Variants in TLR4 observed in about 807,000 individuals in gnomAD.
The protein encoded by TLR4 is toll-like receptor 4.
Under a neutral mutation model 27.4 loss-of-function variants are expected in TLR4, and 17 were observed. The observed-to-expected ratio is 0.62, with a 90% CI of 0.42 to 0.93. TLR4 has a LOEUF of 0.93. Ranked by LOEUF, TLR4 falls within the 40% of genes least tolerant of loss-of-function variation. The pLI is 0.00. For synonymous variants in TLR4, 363 were observed against 365.7 expected (o/e 0.99, Z 0.08); for missense variants, 926 against 962.3 (o/e 0.96, Z 0.50).
In TLR4 at chr9:117,704,499, G is replaced by C; in HGVS notation, c.27G>C (p.Gly9=). The change falls in exon 1 of 3, where the codon GGG becomes GGC. Residue 9 remains glycine (G), a synonymous_variant. Coordinates refer to ENST00000355622, the MANE Select transcript of TLR4 (RefSeq NM_138554.5). MMSASRLA[G]TLIPAMAFLS... ...TGATGTCTGCCTCGCGCCTGGCTGG[G>C]ACTCTGATCCCAGCCATGGCCTTCC... The C allele has an allele frequency of 1.9e-6, 3 of 1,613,692 alleles. No individual in the cohort carries two copies. The highest frequency in any genetic ancestry group is 2.5e-6 in the Non-Finnish European group (3 of 1,179,954).
rs1230835580 is a variant in TLR4 at position 117,719,330 on chromosome 9, A to T, written c.*4682A>T. ...GTCTGAGTCTGGGAGTCATTCTGTC[A>T]TGTGTCCACTGTCACCTGCTCATTG... On this transcript the variant is annotated 3_prime_UTR_variant, in exon 3 of 3. Transcript: ENST00000355622. 6.6e-6 allele frequency: 1 copy of T among 152,114 alleles called. No homozygotes were observed. Among genetic ancestry groups the T allele is most frequent in the East Asian group, 1.9e-4 (1 of 5,138 alleles). 9.4% of individuals were successfully genotyped at this position (152,114 alleles called of 1,614,324 possible). A position where few individuals can be genotyped will look rare whatever the true frequency, so the allele number is the denominator to read the frequency against.
chr9:117,708,834 C>T, intron 2 of TLR4, 105 bp downstream of exon 2: 1 of 1,385,050 alleles, frequency 7.2e-7, no homozygotes, highest in East Asian at 2.3e-5. Flanking sequence ...TCTTCATTCA[C>T]TTATTCATTC....
At chr9:117,711,386 T>C (rs940890763) in intron 2 of TLR4, among the ~76,000 whole-genome samples, 2 of 152,206 alleles carry the variant, frequency 1.3e-5, no homozygotes, top group Non-Finnish European at 2.9e-5. Flanking sequence ...TTCATTGGCT[T>C]GCTGTTTGCT....
intron 2 of TLR4, among the ~76,000 whole-genome samples, chr9:117,711,723 C>T (rs893900303): frequency 6.6e-6 from 1 of 152,074 alleles, no homozygotes; most frequent in Admixed American, 6.6e-5. Context: ...TCAGAGAAAC[C>T]TACTTTGATT....
At chr9:117,708,934 T>G in intron 2 of TLR4, 1 of 594,946 alleles carries the variant, frequency 1.7e-6, no homozygotes. Context: ...AGTAGGCAGT[T>G]GGCTGAGACA....
rs1251297204 is a variant in TLR4, at chr9:117,721,087, A to G, written c.*6439A>G. 1 of 152,194 alleles carries G rather than the reference A, an allele frequency of 6.6e-6. No individual in the cohort carries two copies. The highest frequency in any genetic ancestry group is 1.5e-5 in the Non-Finnish European group (1 of 68,012). The allele number at this position is 152,194 out of a possible 1,614,324, so 9.4% of individuals were successfully genotyped here. ...ACTCTCTTCAAGGTTAGAAAATTTT[A>G]TTTTAATTTTTATAGATTTAGAGAG... On this transcript the variant is annotated 3_prime_UTR_variant, in exon 3 of 3. Transcript: ENST00000355622.
chr9:117,710,940 A>G (rs1004954378), intron 2 of TLR4, among the ~76,000 whole-genome samples: 2 of 152,304 alleles, frequency 1.3e-5, no homozygotes, highest in African/African-American at 2.4e-5. Flanking sequence ...ATATAGAGAC[A>G]CAGCAAGACC....
At chr9:117,704,635 G>A in intron 1 of TLR4, 70 bp downstream of exon 1, 3 of 1,348,342 alleles carry the variant, frequency 2.2e-6, no homozygotes, top group Admixed American at 3.8e-5. Context: ...TGTGTGCCCT[G>A]GTTTGTTTAT....
rs1829416145 is a variant in TLR4, at chr9:117,720,958, C to A, written c.*6310C>A. 1 of 151,920 alleles carries A rather than the reference C, an allele frequency of 6.6e-6. No individual in the cohort carries two copies. The highest frequency in any genetic ancestry group is 2.4e-5 in the African/African-American group (1 of 41,350). The allele number at this position is 151,920 out of a possible 1,614,324, so 9.4% of individuals were successfully genotyped here. ...ACACTCTTTCTATTTGTGGGATTCC[C>A]TAGGAGACACTATATAAAAATATAG... is the stretch of plus-strand genomic sequence containing the variant. On this transcript the variant is annotated 3_prime_UTR_variant, in exon 3 of 3. Coordinates refer to ENST00000355622, the MANE Select transcript of TLR4 (RefSeq NM_138554.5).
chr9:117,712,585 A>G lies in TLR4; in HGVS notation c.457A>G (p.Lys153Glu). ...CCCCATTGGACATCTCAAAACTTTG[A>G]AAGAACTTAATGTGGCTCACAATCT... ...NFPIGHLKTL[K>E]ELNVAHNLIQ... Residue 153 changes from lysine (K) to glutamate (E), a missense_variant, in exon 3 of 3, where the codon AAA (lysine) becomes GAA (glutamate). Coordinates refer to ENST00000355622, the MANE Select transcript of TLR4 (RefSeq NM_138554.5). 6.2e-7 allele frequency: 1 copy of G among 1,614,068 alleles called. No homozygotes were observed. Among genetic ancestry groups the G allele is most frequent in the Non-Finnish European group, 8.5e-7 (1 of 1,179,978 alleles).
In TLR4 at chr9:117,708,573, AT is replaced by A; in HGVS notation, c.105del (p.Asn35LysfsTer9). On this transcript the variant is annotated frameshift_variant, in exon 2 of 3. Transcript: ENST00000355622. LOFTEE classifies it high-confidence loss of function. ...GTGTAATCATTGCAGGTGGTTCCTA[AT>A]ATTACTTATCAATGCATGGAGCTGA... ...SWEPCVEVVP[N>X]ITYQCMELNF... 2 of 1,613,802 alleles carry A rather than the reference AT, an allele frequency of 1.2e-6. No homozygotes were observed. Among genetic ancestry groups the A allele is most frequent in the Non-Finnish European group, 1.7e-6 (2 of 1,179,768 alleles).
In TLR4 at chr9:117,716,614, T is replaced by C. The variant is rs1479160091; in HGVS notation, c.*1966T>C. On this transcript the variant is annotated 3_prime_UTR_variant, in exon 3 of 3. Transcript: ENST00000355622. ...GTCTAATTGGTATAAAATTATAGTA[T>C]GCAAGATGAATTAGCTCTAAAGATC... is the stretch of plus-strand genomic sequence containing the variant. 1 of 152,176 alleles carries C rather than the reference T, an allele frequency of 6.6e-6. No homozygotes were observed. The highest frequency in any genetic ancestry group is 1.5e-5 in the Non-Finnish European group (1 of 68,036). The allele number at this position is 152,176 out of a possible 1,614,324, so 9.4% of individuals were successfully genotyped here.
rs1461302480 is a variant in TLR4, at chr9:117,720,968, C to G, written c.*6320C>G. ...TATTTGTGGGATTCCCTAGGAGACA[C>G]TATATAAAAATATAGAGTTAAAAAA... On this transcript the variant is annotated 3_prime_UTR_variant, in exon 3 of 3. Coordinates refer to ENST00000355622, the MANE Select transcript of TLR4 (RefSeq NM_138554.5). The G allele has an allele frequency of 3.3e-5, 5 of 152,066 alleles. No individual in the cohort carries two copies. Among genetic ancestry groups the G allele is most frequent in the Non-Finnish European group, 7.4e-5 (5 of 68,016 alleles). 9.4% of individuals were successfully genotyped at this position (152,066 alleles called of 1,614,324 possible).
chr9:117,719,926 C>T lies in TLR4; in HGVS notation c.*5278C>T, dbSNP rs973357874. 2.0e-5 allele frequency: 3 copies of T among 152,190 alleles called. No homozygotes were observed. The highest frequency in any genetic ancestry group is 4.4e-5 in the Non-Finnish European group (3 of 68,024). 9.4% of individuals were successfully genotyped at this position (152,190 alleles called of 1,614,324 possible). ...CTGCTACCTTGTGAGTTAAAGGCTA[C>T]TCTTCTCATTTTAGAAATGAGAAAA... On this transcript the variant is annotated 3_prime_UTR_variant, in exon 3 of 3. Transcript: ENST00000355622.
At position 117,714,270 on chromosome 9, in the gene TLR4, C is replaced by T. The variant is rs201667292; in HGVS notation, c.2142C>T (p.Pro714=). ...QLCLHYRDFI[P]GVAIAANIIH... ...GCCTTCACTACAGAGACTTTATTCCCGGTGTGGCCATTGCTGCCAACATCA... is the reference window on the plus strand; with the variant it reads ...GCCTTCACTACAGAGACTTTATTCCTGGTGTGGCCATTGCTGCCAACATCA... Residue 714 remains proline (P), a synonymous_variant, in exon 3 of 3, where the codon CCC becomes CCT. Transcript: ENST00000355622. The T allele has an allele frequency of 1.8e-5, 29 of 1,594,916 alleles. No homozygotes were observed. The highest frequency in any genetic ancestry group is 4.0e-5 in the African/African-American group (3 of 74,392).
rs1829394052 is a variant in TLR4, at chr9:117,719,205, T to C, written c.*4557T>C. 6.6e-6 allele frequency: 1 copy of C among 152,162 alleles called. No homozygotes were observed. The highest frequency in any genetic ancestry group is 1.5e-5 in the Non-Finnish European group (1 of 68,018). 9.4% of individuals were successfully genotyped at this position (152,162 alleles called of 1,614,324 possible). On this transcript the variant is annotated 3_prime_UTR_variant, in exon 3 of 3. Transcript: ENST00000355622. ...GATAGTTACAATAGTTACATTTAAT[T>C]GATCAATTGTTTTATGCAAGGGCTT...
chr9:117,713,692 C>G lies in TLR4; in HGVS notation c.1564C>G (p.Leu522Val), dbSNP rs1308310355. 2 of 1,613,984 alleles carry G rather than the reference C, an allele frequency of 1.2e-6. No homozygotes were observed. Among genetic ancestry groups the G allele is most frequent in the Admixed American group, 3.3e-5 (2 of 59,986 alleles). Residue 522 changes from leucine to valine, a missense_variant, in exon 3 of 3, where the codon CTT (leucine) becomes GTT (valine). Transcript: ENST00000355622. ...SPTAFNSLSS[L>V]QVLNMSHNNF... Reference sequence around the variant, plus strand: ...AACAGCATTTAACTCACTCTCCAGTCTTCAGGTACTAAATATGAGCCACAA... The same window carrying G: ...AACAGCATTTAACTCACTCTCCAGTGTTCAGGTACTAAATATGAGCCACAA...
Position 117,712,727 on chromosome 9 carries a change from A to G in TLR4, c.599A>G (p.Gln200Arg). The change falls in exon 3 of 3, where the codon CAA (glutamine) becomes CGA (arginine). Residue 200 changes from glutamine (Q) to arginine (R), a missense_variant. By Grantham distance (43) the Gln-to-Arg change is conservative. Coordinates refer to ENST00000355622, the MANE Select transcript of TLR4 (RefSeq NM_138554.5). ...IYCTDLRVLHQMPLLNLSLDL... is the reference protein window; with the variant it reads ...IYCTDLRVLHRMPLLNLSLDL... ...TGCACAGACTTGCGGGTTCTACATC[A>G]AATGCCCCTACTCAATCTCTCTTTA... is the stretch of plus-strand genomic sequence containing the variant. 1 of 1,614,084 alleles carries G rather than the reference A, an allele frequency of 6.2e-7. No individual in the cohort carries two copies.
chr9:117,713,949 G>A lies in TLR4; in HGVS notation c.1821G>A (p.Met607Ile). 6.2e-7 allele frequency: 1 copy of A among 1,613,988 alleles called. No individual in the cohort carries two copies. Among genetic ancestry groups the A allele is most frequent in the Non-Finnish European group, 8.5e-7 (1 of 1,179,992 alleles). ...AGCTCTTGGTGGAAGTTGAACGAAT[G>A]GAATGTGCAACACCTTCAGATAAGC... ...QRQLLVEVERMECATPSDKQG... is the reference protein window; with the variant it reads ...QRQLLVEVERIECATPSDKQG... The change falls in exon 3 of 3, where the codon ATG becomes ATA. Residue 607 changes from methionine to isoleucine, a missense_variant. Transcript: ENST00000355622.
Sources: gnomAD v4.1 joint callset for allele counts (sites outside exome capture counted in the v4.1 genomes callset) on GRCh38, gnomAD v4.1.1 for gene constraint, MANE v1.5 for transcripts, NCBI Gene and HGNC (gene_info 2026-07-23, HGNC 2026-07-21) for gene names.